The following KAZN variants were observed in gnomAD, a reference collection of about 807,000 sequenced individuals.
KAZN encodes the protein kazrin, periplakin interacting protein, also known as kazrin.
KAZN carries 40 observed loss-of-function variants against 87.4 expected under a neutral mutation model. The ratio of observed to expected loss-of-function variants is 0.46; its 90% CI spans 0.36 to 0.60. The LOEUF is 0.60. KAZN is among the 20% of genes least tolerant of loss of function. The pLI is 0.00. For synonymous variants in KAZN, 466 were observed against 458.3 expected (o/e 1.02, Z -0.22); for missense variants, 898 against 1,073.9 (o/e 0.84, Z 2.29).
At chr1:14,177,329 C>G (rs999486026) in intron 1 of KAZN, among the ~76,000 whole-genome samples, 23 of 152,142 alleles carry the variant, frequency 1.5e-4, no homozygotes, top group African/African-American at 5.1e-4. Flanking sequence ...CATGTTTATG[C>G]TACTCAAACA....
At chr1:13,924,229 A>G (rs891671319) in intron 1 of KAZN, among the ~76,000 whole-genome samples, 1 of 152,230 alleles carries the variant, frequency 6.6e-6, no homozygotes, top group African/African-American at 2.4e-5. Context: ...AATGAAGGCT[A>G]AAAACTCAAA....
At chr1:13,945,574 T>C (rs6672976) in intron 1 of KAZN, among the ~76,000 whole-genome samples, 20,735 of 150,594 alleles carry the variant, frequency 0.14, 1,540 homozygotes, top group Middle Eastern at 0.22. Flanking sequence ...ACAATATATA[T>C]ATAGCAATGA....
intron 2 of KAZN, among the ~76,000 whole-genome samples, chr1:15,010,123 C>CT (rs1557712667): frequency 6.6e-6 from 1 of 152,084 alleles, no homozygotes; most frequent in Non-Finnish European, 1.5e-5. Context: ...TTCTTCCTTT[C>CT]TTTTTTTATT....
chr1:14,691,604 A>T (rs1413959229), intron 1 of KAZN, among the ~76,000 whole-genome samples: 1 of 152,112 alleles, frequency 6.6e-6, no homozygotes, highest in Non-Finnish European at 1.5e-5. Context: ...CTCCTGCCTC[A>T]GCCTCCCGAG....
At chr1:14,210,822 A>G (rs1646839055) in intron 2 of KAZN, among the ~76,000 whole-genome samples, 1 of 152,144 alleles carries the variant, frequency 6.6e-6, no homozygotes, top group Non-Finnish European at 1.5e-5. Context: ...TATTTCTGCA[A>G]ATCTCTTTAA....
intron 1 of KAZN, among the ~76,000 whole-genome samples, chr1:14,959,311 C>G (rs1319126484): frequency 2.0e-5 from 3 of 152,194 alleles, no homozygotes; most frequent in Non-Finnish European, 4.4e-5. Context: ...AGGAGGCAGC[C>G]ACAGGAAGAA....
chr1:14,135,663 C>T (rs543193521), intron 1 of KAZN, among the ~76,000 whole-genome samples: 29 of 152,214 alleles, frequency 1.9e-4, no homozygotes, highest in African/African-American at 6.7e-4. Context: ...TGGGATGGAG[C>T]GAGGTCTTGT....
chr1:14,077,318 G>A (rs1643501442), intron 1 of KAZN, among the ~76,000 whole-genome samples: 2 of 152,162 alleles, frequency 1.3e-5, no homozygotes, highest in South Asian at 4.1e-4. Context: ...AAAAATGTCT[G>A]TAAAGGGCTG....
chr1:14,784,969 CT>C (rs143932268), intron 1 of KAZN, among the ~76,000 whole-genome samples: 7,166 of 135,984 alleles, frequency 0.053, 328 homozygotes, highest in African/African-American at 0.13. Context: ...AGACTGCTTA[CT>C]TTTTTTTTTT....
At chr1:14,555,955 C>T (rs1373209395) in intron 2 of KAZN, among the ~76,000 whole-genome samples, 3 of 152,118 alleles carry the variant, frequency 2.0e-5, no homozygotes, top group African/African-American at 7.2e-5. Flanking sequence ...AGTACATGTG[C>T]AAAAACAATT....
At chr1:13,963,661 C>T (rs374231298) in intron 1 of KAZN, among the ~76,000 whole-genome samples, 1 of 152,062 alleles carries the variant, frequency 6.6e-6, no homozygotes, top group Admixed American at 6.5e-5. Flanking sequence ...TGCATCAAAG[C>T]CTAGCTCAGC....
At chr1:14,324,501 G>T (rs936528309) in intron 2 of KAZN, among the ~76,000 whole-genome samples, 15 of 152,190 alleles carry the variant, frequency 9.9e-5, no homozygotes, top group African/African-American at 3.6e-4. Context: ...ATTCATGCAA[G>T]GGGAGGCAAG....
chr1:14,156,158 T>C (rs985970778), intron 1 of KAZN, among the ~76,000 whole-genome samples: 10 of 152,248 alleles, frequency 6.6e-5, no homozygotes, highest in African/African-American at 2.4e-4. Flanking sequence ...AAAACTCCTC[T>C]TGTTATTGAT....
chr1:13,960,626 C>A (rs772024004), intron 1 of KAZN, among the ~76,000 whole-genome samples: 3 of 152,182 alleles, frequency 2.0e-5, no homozygotes, highest in Non-Finnish European at 4.4e-5. Flanking sequence ...CGCCGGGAGA[C>A]CAAACCTCAG....
intron 2 of KAZN, among the ~76,000 whole-genome samples, chr1:14,422,303 T>A (rs1276869005): frequency 3.3e-5 from 5 of 152,220 alleles, no homozygotes; most frequent in African/African-American, 1.2e-4. Context: ...TAAAAACACT[T>A]GCTCAGCAGC....
At chr1:14,831,731 G>A (rs186673273) in intron 1 of KAZN, among the ~76,000 whole-genome samples, 90 of 152,266 alleles carry the variant, frequency 5.9e-4, no homozygotes, top group Admixed American at 2.5e-3. Context: ...ATGGGAAACC[G>A]AGACAGGGAA....
intron 7 of KAZN, among the ~76,000 whole-genome samples, 198 bp downstream of exon 7, chr1:15,063,820 A>G (rs761343888): frequency 1.3e-5 from 2 of 151,000 alleles, no homozygotes; most frequent in South Asian, 2.1e-4. Context: ...GCCCACATCC[A>G]TGCCGCACAC....
At chr1:14,360,555 AT>A (rs777929888) in intron 2 of KAZN, among the ~76,000 whole-genome samples, 1 of 150,406 alleles carries the variant, frequency 6.6e-6, no homozygotes, top group African/African-American at 2.4e-5. Flanking sequence ...CTTTTTGTGC[AT>A]TTTTTTTTAA....
intron 2 of KAZN, among the ~76,000 whole-genome samples, chr1:14,971,302 G>C (rs772508364): frequency 8.7e-4 from 132 of 152,216 alleles, no homozygotes; most frequent in Non-Finnish European, 1.6e-3. Flanking sequence ...GGAGGCTGAG[G>C]CAGGAGAATT....
Sources: allele counts gnomAD v4.1 joint callset (sites outside exome capture counted in the v4.1 genomes callset), GRCh38; gene constraint gnomAD v4.1.1; transcripts MANE v1.5; gene names NCBI Gene and HGNC (gene_info 2026-07-23, HGNC 2026-07-21).